The following SEC23B variants were observed in gnomAD, a reference collection of about 807,000 sequenced individuals.
SEC23B encodes the protein SEC23 homolog B, COPII component.
SEC23B carries 77 observed loss-of-function variants against 104.3 expected under a neutral mutation model. The ratio of observed to expected loss-of-function variants is 0.74; its 90% CI spans 0.61 to 0.89. SEC23B has a LOEUF of 0.89. SEC23B is among the 40% of genes least tolerant of loss of function. SEC23B has a pLI of 0.00. For synonymous variants in SEC23B, 338 were observed against 332.5 expected, an observed-to-expected ratio of 1.02 and a Z score of -0.18; for missense variants, 885 against 949.4, an observed-to-expected ratio of 0.93 and a Z score of 0.89.
At chr20:18,535,632 A>G (rs2060222481) in intron 11 of SEC23B, 21 bp from the exon 12 acceptor site, 3 of 1,610,234 alleles carry the variant, frequency 1.9e-6, no homozygotes, top group East Asian at 2.2e-5. Flanking sequence ...TTGTTTTTCA[A>G]ATTCCTCTTC....
intron 11 of SEC23B, among the ~76,000 whole-genome samples, chr20:18,533,308 A>G (rs1371092104): frequency 6.6e-6 from 1 of 152,090 alleles, no homozygotes; most frequent in Non-Finnish European, 1.5e-5. Flanking sequence ...ACTTCCTCTG[A>G]TTATACTTTA....
chr20:18,548,125 A>G (rs1461092867), intron 15 of SEC23B, among the ~76,000 whole-genome samples: 2 of 151,362 alleles, frequency 1.3e-5, no homozygotes, highest in Non-Finnish European at 2.9e-5. Flanking sequence ...GTAATTTTGG[A>G]TTTTTAGTAG....
rs368084647 is a variant in SEC23B, at chr20:18,542,381, G to A, written c.1490G>A (p.Arg497His). 1.2e-5 allele frequency: 19 copies of A among 1,614,078 alleles called. No individual in the cohort carries two copies. Among genetic ancestry groups the A allele is most frequent in the East Asian group, 8.9e-5 (4 of 44,898 alleles). The change falls in exon 13 of 20, where the codon CGC becomes CAC. Residue 497 changes from arginine to histidine, a missense_variant. Physicochemically the swap from Arg to His is conservative, Grantham distance 29. Coordinates refer to ENST00000650089, the MANE Select transcript of SEC23B (RefSeq NM_006363.6). ...YQHSSTQRRIRVTTIARNWAD... is the reference protein window; with the variant it reads ...YQHSSTQRRIHVTTIARNWAD... ...CACTCCAGCACCCAGAGACGCATCC[G>A]CGTGACCACCATCGCCCGAAAGTAA...
Position 18,542,766 on chromosome 20 carries a change from C to G in SEC23B, c.1512-253C>G, listed in dbSNP as rs1042314668. Among the ~76,000 whole-genome samples the G allele has an allele frequency of 2.0e-5, 3 of 152,160 alleles. No individual in the cohort carries two copies. In the South Asian group the frequency reaches 6.2e-4, roughly 32 times the overall value. On this transcript the variant is annotated intron_variant, in intron 13 of 19. Transcript: ENST00000650089. ...CCTCCCACTTCAGCCTCCCAGGTAG[C>G]TGGGACCACAGGCACCTGCCACCAA...
intron 7 of SEC23B, 47 bp downstream of exon 7, chr20:18,525,979 T>C (rs1264041091): frequency 6.3e-7 from 1 of 1,579,040 alleles, no homozygotes; most frequent in Non-Finnish European, 8.7e-7. Flanking sequence ...AAATGTGCTC[T>C]CAGAAAATAT....
chr20:18,520,957 C>A (rs2060078584), intron 4 of SEC23B, among the ~76,000 whole-genome samples: 1 of 152,050 alleles, frequency 6.6e-6, no homozygotes, highest in African/African-American at 2.4e-5. Flanking sequence ...GTTGAACAGT[C>A]CGATTTTCAG....
At chr20:18,513,077 A>T (rs2059995001) in intron 3 of SEC23B, among the ~76,000 whole-genome samples, 1 of 152,158 alleles carries the variant, frequency 6.6e-6, no homozygotes, top group African/African-American at 2.4e-5. Flanking sequence ...TTAGCTACTC[A>T]GGAGGCTGAG....
intron 19 of SEC23B, among the ~76,000 whole-genome samples, chr20:18,555,793 G>T (rs1266448737): frequency 1.3e-5 from 2 of 152,018 alleles, no homozygotes; most frequent in Admixed American, 1.3e-4. Flanking sequence ...CTATAATACA[G>T]TATCACAACC....
rs768881779 is a variant in SEC23B, at chr20:18,510,887, C to T, written c.52C>T (p.Arg18Cys). The T allele has an allele frequency of 2.1e-5, 34 of 1,613,952 alleles. No homozygotes were observed. The highest frequency in any genetic ancestry group is 2.4e-5 in the Non-Finnish European group (28 of 1,180,002). The change falls in exon 2 of 20, where the codon CGT becomes TGT. Residue 18 changes from arginine to cysteine, a missense_variant. By Grantham distance (180) the Arg-to-Cys change is radical (BLOSUM62 -3). Transcript: ENST00000650089. The part of the protein sequence containing the change: ...IQQNEERDGV[R>C]FSWNVWPSSR... ...GCAGAATGAAGAACGGGATGGTGTG[C>T]GTTTTAGTTGGAACGTGTGGCCTTC...
intron 11 of SEC23B, 101 bp from the exon 12 acceptor site, chr20:18,535,552 C>A: frequency 1.2e-6 from 1 of 833,388 alleles, no homozygotes; most frequent in Non-Finnish European, 2.0e-6. Context: ...AAAGAAGATA[C>A]TCTAAGTAGC....
At chr20:18,519,462 G>A (rs186648247) in intron 4 of SEC23B, among the ~76,000 whole-genome samples, 10 of 152,156 alleles carry the variant, frequency 6.6e-5, no homozygotes, top group South Asian at 2.1e-4. Flanking sequence ...GTATTAGGGC[G>A]GCAGCAGCTG....
chr20:18,517,723 A>G lies in SEC23B; in HGVS notation c.366+1987A>G, dbSNP rs2060042544. ...TACAGTGGGAGAGATTCAACTGAAG[A>G]AAGATTTTGGCGTAAGGGGTGATGT... On this transcript the variant is annotated intron_variant, in intron 4 of 19. Transcript: ENST00000650089. Among the ~76,000 whole-genome samples the G allele has an allele frequency of 2.0e-5, 3 of 152,290 alleles. No homozygotes were observed. The South Asian group carries it at 6.2e-4, about 32-fold the overall frequency.
chr20:18,537,291 G>C (rs374051850), intron 12 of SEC23B, among the ~76,000 whole-genome samples: 1 of 151,684 alleles, frequency 6.6e-6, no homozygotes, highest in Non-Finnish European at 1.5e-5. Flanking sequence ...ACATGCACAC[G>C]TATGTTTATT....
intron 13 of SEC23B, among the ~76,000 whole-genome samples, 194 bp from the exon 14 acceptor site, chr20:18,542,825 A>G (rs1000712536): frequency 2.6e-5 from 4 of 152,094 alleles, no homozygotes; most frequent in Non-Finnish European, 5.9e-5. Context: ...ATGCAGAGAG[A>G]TGGTGATCTC....
At chr20:18,525,574 A>AT (rs1045092793) in intron 6 of SEC23B, among the ~76,000 whole-genome samples, 32 of 152,322 alleles carry the variant, frequency 2.1e-4, no homozygotes, top group Non-Finnish European at 3.7e-4. Context: ...TCCGTGCAAC[A>AT]TAAGTAAATT....
intron 12 of SEC23B, among the ~76,000 whole-genome samples, chr20:18,539,223 A>AT (rs1555789937): frequency 6.9e-6 from 1 of 144,736 alleles, no homozygotes; most frequent in East Asian, 2.1e-4. Context: ...AAAAAAAAAA[A>AT]GGCCGGGTGC....
chr20:18,542,899 A>T, intron 13 of SEC23B, 120 bp from the exon 14 acceptor site: 2 of 1,315,002 alleles, frequency 1.5e-6, no homozygotes, highest in Non-Finnish European at 2.2e-6. Context: ...TTGCCCTCCC[A>T]AAGTGTTGGG....
At chr20:18,542,796 A>G (rs2060299942) in intron 13 of SEC23B, among the ~76,000 whole-genome samples, 1 of 151,962 alleles carries the variant, frequency 6.6e-6, no homozygotes, top group Non-Finnish European at 1.5e-5. Context: ...CACCAAAACT[A>G]GCTAATCTTT....
At chr20:18,526,116 A>G (rs1268204463) in intron 7 of SEC23B, among the ~76,000 whole-genome samples, 184 bp downstream of exon 7, 6 of 152,242 alleles carry the variant, frequency 3.9e-5, no homozygotes, top group Middle Eastern at 3.2e-3. Flanking sequence ...GAAAATGCCA[A>G]AAGTTTTCAT....
Sources: gnomAD v4.1 joint callset for allele counts (sites outside exome capture counted in the v4.1 genomes callset) on GRCh38, gnomAD v4.1.1 for gene constraint, MANE v1.5 for transcripts, NCBI Gene and HGNC (gene_info 2026-07-23, HGNC 2026-07-21) for gene names.